The following SCFD1 variants were observed in gnomAD, a reference collection of about 807,000 sequenced individuals.
SCFD1 encodes the protein sec1 family domain-containing protein 1.
A neutral mutation model predicts 103.2 loss-of-function variants in SCFD1; 37 were observed. That is an observed-to-expected ratio of 0.36 (90% CI 0.28 to 0.47). The LOEUF is 0.47. Ranked by LOEUF, SCFD1 falls within the 20% of genes least tolerant of loss-of-function variation. The pLI is 1.00. For synonymous variants in SCFD1, 264 were observed against 245.0 expected, an observed-to-expected ratio of 1.08 and a Z score of -0.73; for missense variants, 639 against 761.2, an observed-to-expected ratio of 0.84 and a Z score of 1.89.
At chr14:30,667,305 C>T (rs904018612) in intron 10 of SCFD1, among the ~76,000 whole-genome samples, 1 of 152,092 alleles carries the variant, frequency 6.6e-6, no homozygotes, top group Non-Finnish European at 1.5e-5. Flanking sequence ...AGACAAAAAC[C>T]ACATGATTAT....
chr14:30,722,500 G>A lies in SCFD1; in HGVS notation c.1777G>A (p.Val593Ile), dbSNP rs775807603. The A allele has an allele frequency of 4.4e-5, 70 of 1,586,852 alleles. No individual in the cohort carries two copies. Among genetic ancestry groups the A allele is most frequent in the Non-Finnish European group, 5.7e-5 (66 of 1,164,916 alleles). ...RNKNPFQEAI[V>I]FVVGGGNYIE... The stretch of plus-strand genomic sequence containing the variant: ...TAATCTGTTTGCATTTTAGGCCATT[G>A]TTTTTGTGGTGGGAGGAGGCAACTA... The change falls in exon 23 of 25, where the codon GTT becomes ATT. Residue 593 changes from valine to isoleucine, a missense_variant. Transcript: ENST00000458591.
chr14:30,708,971 T>TA (rs1304669857), intron 19 of SCFD1, among the ~76,000 whole-genome samples: 5 of 152,220 alleles, frequency 3.3e-5, no homozygotes, highest in Non-Finnish European at 5.9e-5. Context: ...AATTTTCAAA[T>TA]ATGCATTATC....
intron 17 of SCFD1, among the ~76,000 whole-genome samples, chr14:30,703,020 T>C (rs1891182644): frequency 6.6e-6 from 1 of 151,622 alleles, no homozygotes; most frequent in South Asian, 2.1e-4. Context: ...AAGGCTTACT[T>C]AATGACATTG....
chr14:30,661,654 G>A (rs1887462139), intron 10 of SCFD1, among the ~76,000 whole-genome samples: 1 of 152,106 alleles, frequency 6.6e-6, no homozygotes, highest in Non-Finnish European at 1.5e-5. Context: ...CAGTCTCTAG[G>A]AGCTTCTGTA....
At chr14:30,707,624 G>T (rs547690297) in intron 18 of SCFD1, among the ~76,000 whole-genome samples, 16 of 151,536 alleles carry the variant, frequency 1.1e-4, no homozygotes, top group South Asian at 4.2e-4. Context: ...CTTTAAATTG[G>T]TTTTTTTTAG....
At chr14:30,678,420 T>TA (rs1273133686) in intron 14 of SCFD1, among the ~76,000 whole-genome samples, 1 of 152,192 alleles carries the variant, frequency 6.6e-6, no homozygotes, top group Admixed American at 6.5e-5. Context: ...GTGATTTGGG[T>TA]AATTTGGGTC....
At chr14:30,643,128 A>G (rs879385924) in intron 6 of SCFD1, among the ~76,000 whole-genome samples, 188 bp from the exon 7 acceptor site, 1 of 152,162 alleles carries the variant, frequency 6.6e-6, no homozygotes, top group East Asian at 1.9e-4. Flanking sequence ...AGCCGTGATC[A>G]TGTCTCTGCA....
intron 8 of SCFD1, among the ~76,000 whole-genome samples, chr14:30,650,082 G>A (rs1886254014): frequency 6.6e-6 from 1 of 152,170 alleles, no homozygotes; most frequent in Non-Finnish European, 1.5e-5. Flanking sequence ...TGAAAAAGAA[G>A]GAGGTATTTT....
chr14:30,716,383 A>G lies in SCFD1; in HGVS notation c.1683+406A>G, dbSNP rs1358360967. Among the ~76,000 whole-genome samples the G allele has an allele frequency of 5.3e-5, 8 of 152,224 alleles. No homozygotes were observed. The East Asian group carries it at 1.5e-3, about 29-fold the overall frequency. Reference sequence around the variant, plus strand: ...AGTGCATAGTAAAAATGTTAAGTACATATGTTTACAGGGCACTAAATTCTT... The same window carrying G: ...AGTGCATAGTAAAAATGTTAAGTACGTATGTTTACAGGGCACTAAATTCTT... On this transcript the variant is annotated intron_variant, in intron 20 of 24. Coordinates refer to ENST00000458591, the MANE Select transcript of SCFD1 (RefSeq NM_016106.4).
chr14:30,667,625 G>T (rs1479442776), intron 10 of SCFD1, among the ~76,000 whole-genome samples: 2 of 152,028 alleles, frequency 1.3e-5, no homozygotes, highest in Non-Finnish European at 2.9e-5. Flanking sequence ...TGTCCCTGTT[G>T]GTAGATGACA....
intron 9 of SCFD1, among the ~76,000 whole-genome samples, chr14:30,651,049 C>T (rs1208646825): frequency 6.6e-6 from 1 of 151,898 alleles, no homozygotes; most frequent in Non-Finnish European, 1.5e-5. Flanking sequence ...ACTTGAAAAA[C>T]ATTTTATTAT....
intron 15 of SCFD1, among the ~76,000 whole-genome samples, chr14:30,699,134 A>G (rs1290142918): frequency 6.6e-6 from 1 of 152,206 alleles, no homozygotes; most frequent in Non-Finnish European, 1.5e-5. Flanking sequence ...TAATATTCCA[A>G]ATGCCCCAAA....
chr14:30,734,241 A>T (rs1018588776), intron 23 of SCFD1, among the ~76,000 whole-genome samples: 1 of 152,232 alleles, frequency 6.6e-6, no homozygotes, highest in Non-Finnish European at 1.5e-5. Flanking sequence ...AGAAATTAGC[A>T]AATCGCTAAT....
chr14:30,694,983 CA>C, intron 15 of SCFD1, 114 bp downstream of exon 15: 1 of 1,469,894 alleles, frequency 6.8e-7, no homozygotes, highest in Middle Eastern at 1.8e-4. Flanking sequence ...ATGCTAATAT[CA>C]AGATAATTAA....
intron 14 of SCFD1, among the ~76,000 whole-genome samples, chr14:30,684,803 C>CTTTTTTTTT (rs780577178): frequency 3.6e-4 from 20 of 54,862 alleles, no homozygotes; most frequent in East Asian, 1.3e-3. Context: ...GCAATTGTTT[C>CTTTTTTTTT]TTTTTTTTTT....
chr14:30,661,634 A>G (rs1381648808), intron 10 of SCFD1, among the ~76,000 whole-genome samples: 1 of 152,130 alleles, frequency 6.6e-6, no homozygotes, highest in East Asian at 1.9e-4. Flanking sequence ...CTCCGTAAGA[A>G]ATAGAATTAC....
At chr14:30,680,715 C>A (rs1889401086) in intron 14 of SCFD1, among the ~76,000 whole-genome samples, 2 of 152,032 alleles carry the variant, frequency 1.3e-5, no homozygotes, top group Admixed American at 1.3e-4. Context: ...ATCTCTTGAG[C>A]CTGGGAGTTC....
At chr14:30,666,447 G>A (rs1470528038) in intron 10 of SCFD1, among the ~76,000 whole-genome samples, 4 of 151,538 alleles carry the variant, frequency 2.6e-5, no homozygotes, top group East Asian at 1.9e-4. Context: ...AAGAGAAAGC[G>A]GGAAAGACCT....
Position 30,639,865 on chromosome 14 carries a change from G to T in SCFD1, c.523+1G>T. Reference sequence around the variant, plus strand: ...AATAAGGAGCTTGTTTCATATCGTGGTATGTAAAAATAGAAATGTTGCAAT... The same window carrying T: ...AATAAGGAGCTTGTTTCATATCGTGTTATGTAAAAATAGAAATGTTGCAAT... On this transcript the variant is annotated splice_donor_variant, in intron 6 of 24. Transcript: ENST00000458591. LOFTEE classifies it high-confidence loss of function. The T allele has an allele frequency of 6.3e-7, 1 of 1,575,290 alleles. No homozygotes were observed. The highest frequency in any genetic ancestry group is 8.6e-7 in the Non-Finnish European group (1 of 1,161,906).
Sources: gnomAD v4.1 joint callset for allele counts (sites outside exome capture counted in the v4.1 genomes callset) on GRCh38, gnomAD v4.1.1 for gene constraint, MANE v1.5 for transcripts, NCBI Gene and HGNC (gene_info 2026-07-23, HGNC 2026-07-21) for gene names.